The following MICALL1 variants were observed in gnomAD, a reference collection of about 807,000 sequenced individuals.
The protein encoded by MICALL1 is MICAL-like protein 1.
Under a neutral mutation model 83.7 loss-of-function variants are expected in MICALL1, and 61 were observed. The ratio of observed to expected loss-of-function variants is 0.73; its 90% confidence interval spans 0.59 to 0.90. The LOEUF is 0.90. Among genes scored for constraint, MICALL1 ranks in the 40% least tolerant of loss-of-function variants. The probability of loss-of-function intolerance (pLI) is 0.00; values close to 1 mark genes in which losing one functional copy is unlikely to be tolerated. For missense variants in MICALL1, 1,066 were observed against 1,152.0 expected, an observed-to-expected ratio of 0.93 and a Z score of 1.08; for synonymous variants, 481 against 473.6, an observed-to-expected ratio of 1.02 and a Z score of -0.20.
chr22:37,920,001 T>A (rs1928925873), intron 5 of MICALL1, among the ~76,000 whole-genome samples: 1 of 151,994 alleles, frequency 6.6e-6, no homozygotes, highest in Non-Finnish European at 1.5e-5. Flanking sequence ...AAAAAATCTT[T>A]TTTTCTTTTA....
chr22:37,931,162 G>A (rs1312487863), intron 9 of MICALL1, among the ~76,000 whole-genome samples: 2 of 152,236 alleles, frequency 1.3e-5, no homozygotes, highest in African/African-American at 2.4e-5. Flanking sequence ...GTGTGTGGCC[G>A]TGAGCAAATG....
chr22:37,938,457 C>CTT (rs757450191), intron 15 of MICALL1, among the ~76,000 whole-genome samples: 1 of 118,536 alleles, frequency 8.4e-6, no homozygotes, highest in Non-Finnish European at 1.8e-5. Flanking sequence ...TTTTTCTTTT[C>CTT]TTTTTTTTTT....
At chr22:37,922,599 A>ATTTTTTTTTTTTTT in intron 6 of MICALL1, among the ~76,000 whole-genome samples, 173 bp downstream of exon 6, 1 of 69,682 alleles carries the variant, frequency 1.4e-5, no homozygotes, top group Non-Finnish European at 2.8e-5. Context: ...ATATATATAT[A>ATTTTTTTTTTTTTT]TATTTTTTTT....
chr22:37,933,166 G>A lies in MICALL1; in HGVS notation c.2308+54G>A, dbSNP rs1245500791. The A allele has an allele frequency of 1.2e-5, 19 of 1,571,148 alleles. No individual in the cohort carries two copies. The Admixed American group carries it at 2.0e-4, about 17-fold the overall frequency. On this transcript the variant is annotated intron_variant, in intron 13 of 15. Coordinates refer to ENST00000215957, the MANE Select transcript of MICALL1 (RefSeq NM_033386.4). ...CACCTGCCCTGGGGCCTGGTGACAC[G>A]GAGGAGTGGGGGAGCGGGCAGACAA...
At chr22:37,934,437 T>G (rs938793016) in intron 13 of MICALL1, among the ~76,000 whole-genome samples, 2 of 151,832 alleles carry the variant, frequency 1.3e-5, no homozygotes, top group African/African-American at 2.4e-5. Flanking sequence ...GGATTCAAAC[T>G]TGGGTGGTGA....
intron 6 of MICALL1, among the ~76,000 whole-genome samples, chr22:37,922,890 G>A (rs9607501): frequency 0.35 from 49,114 of 141,336 alleles, 9,082 homozygotes; most frequent in Middle Eastern, 0.42. Flanking sequence ...TGCCTGCCTC[G>A]GCCTCCCAAA....
chr22:37,935,292 G>T (rs1179513672), intron 13 of MICALL1, among the ~76,000 whole-genome samples: 1 of 147,878 alleles, frequency 6.8e-6, no homozygotes, highest in Non-Finnish European at 1.5e-5. Flanking sequence ...TCAGAGTCTC[G>T]CTCTGTCGCC....
Position 37,906,592 on chromosome 22 carries a change from C to A in MICALL1, c.146+24C>A. 8.9e-7 allele frequency: 1 copy of A among 1,123,158 alleles called. No homozygotes were observed. Among genetic ancestry groups the A allele is most frequent in the Non-Finnish European group, 1.1e-6 (1 of 915,098 alleles). The allele number at this position is 1,123,158 out of a possible 1,614,324, so 69.6% of individuals were successfully genotyped here. The stretch of plus-strand genomic sequence containing the variant: ...CTGTGAGTGCGGGGCCCCGGGCGAG[C>A]GGGCGGCGCGGGGCGGGCTGGGGCC... On this transcript the variant is annotated intron_variant, in intron 1 of 15. Coordinates refer to ENST00000215957, the MANE Select transcript of MICALL1 (RefSeq NM_033386.4). The surrounding 1 kb of genome is among the most constrained non-coding windows in gnomAD (Gnocchi z 4.4).
At chr22:37,940,610 C>T in intron 15 of MICALL1, 99 bp from the exon 16 acceptor site, 1 of 1,459,606 alleles carries the variant, frequency 6.9e-7, no homozygotes, top group Non-Finnish European at 9.4e-7. Context: ...CTGGGCTGAG[C>T]CCTGCTGCCC....
chr22:37,916,442 A>G (rs1012728710), intron 3 of MICALL1, among the ~76,000 whole-genome samples: 2 of 152,210 alleles, frequency 1.3e-5, no homozygotes, highest in Non-Finnish European at 2.9e-5. Context: ...GGAAACAGTG[A>G]TGTGTTCCAA....
In MICALL1 at chr22:37,919,102, G is replaced by A. The variant is rs554579323; in HGVS notation, c.493G>A (p.Ala165Thr). The change falls in exon 5 of 16, where the codon GCA becomes ACA. Residue 165 changes from alanine (A) to threonine (T), a missense_variant. Coordinates refer to ENST00000215957, the MANE Select transcript of MICALL1 (RefSeq NM_033386.4). ...GTGQTPSSTCAACQQHVHLVQ... is the reference protein window; with the variant it reads ...GTGQTPSSTCTACQQHVHLVQ... ...CGGCCAGACCCCCAGCAGCACGTGC[G>A]CAGCCTGCCAGCAGCATGTGCACTT... 37 of 1,551,786 alleles carry A rather than the reference G, an allele frequency of 2.4e-5. 1 individual carries two copies. In the South Asian group the frequency reaches 3.1e-4, roughly 13 times the overall value.
At chr22:37,936,823 C>T (rs945967506) in intron 13 of MICALL1, among the ~76,000 whole-genome samples, 19 of 151,654 alleles carry the variant, frequency 1.3e-4, no homozygotes, top group African/African-American at 3.9e-4. Flanking sequence ...ACCCGGGAGG[C>T]GGAGCCTGCA....
chr22:37,906,755 C>T lies in MICALL1; in HGVS notation c.146+187C>T, dbSNP rs1241067020. On this transcript the variant is annotated intron_variant, in intron 1 of 15. Transcript: ENST00000215957. The surrounding 1 kb of genome is among the most constrained non-coding windows in gnomAD (Gnocchi z 4.4). ...ACCCCGGCCCAGGGCGCCCCTCCCC[C>T]GCCCGGCCGCCCTGACCCCGCCCGT... 6 of 298,900 alleles carry T rather than the reference C, an allele frequency of 2.0e-5. No homozygotes were observed. In the South Asian group the frequency reaches 7.2e-4, roughly 36 times the overall value. The allele number at this position is 298,900 out of a possible 1,614,324, so 18.5% of individuals were successfully genotyped here. A position where few individuals can be genotyped will look rare whatever the true frequency, so the allele number is the denominator to read the frequency against.
At chr22:37,934,896 CTATTTATTTATTTATTTTATTT>C in intron 13 of MICALL1, among the ~76,000 whole-genome samples, 1 of 147,754 alleles carries the variant, frequency 6.8e-6, no homozygotes, top group East Asian at 2.0e-4. Flanking sequence ...GCGCCTGGCT[CTATTTATTTATTTATTTTATTT>C]TATTTATTTA....
chr22:37,922,601 ATTT>A (rs1198282750), intron 6 of MICALL1, among the ~76,000 whole-genome samples, 175 bp downstream of exon 6: 80 of 31,858 alleles, frequency 2.5e-3, no homozygotes, highest in African/African-American at 4.5e-3. Flanking sequence ...ATATATATAT[ATTT>A]TTTTTTTTTT....
At chr22:37,939,008 G>A (rs1338570262) in intron 15 of MICALL1, among the ~76,000 whole-genome samples, 2 of 152,040 alleles carry the variant, frequency 1.3e-5, no homozygotes, top group Non-Finnish European at 2.9e-5. Flanking sequence ...TGCCCACCTC[G>A]GCCTCCCAAA....
At chr22:37,936,986 C>T in intron 13 of MICALL1, 94 bp from the exon 14 acceptor site, 2 of 994,744 alleles carry the variant, frequency 2.0e-6, no homozygotes, top group Non-Finnish European at 3.0e-6. Context: ...TAGCATGGGG[C>T]TGGCCTGCCG....
chr22:37,908,131 G>A (rs1832563866), intron 1 of MICALL1, among the ~76,000 whole-genome samples: 1 of 152,110 alleles, frequency 6.6e-6, no homozygotes, highest in Non-Finnish European at 1.5e-5. Context: ...CCATGTCTTA[G>A]GCGCATGGCC....
Position 37,930,559 on chromosome 22 carries a change from G to T in MICALL1, c.1882-1240G>T, listed in dbSNP as rs1601829276. On this transcript the variant is annotated intron_variant, in intron 9 of 15. Transcript: ENST00000215957. The surrounding 1 kb of genome is among the most constrained non-coding windows in gnomAD (Gnocchi z 4.8). ...TGGAGCATCCCAGGTCTCAGGTGAGGCCTCTGTAAGGGGCTCGCAGTGACG... is the reference window on the plus strand; with the variant it reads ...TGGAGCATCCCAGGTCTCAGGTGAGTCCTCTGTAAGGGGCTCGCAGTGACG... Among the ~76,000 whole-genome samples the T allele has an allele frequency of 6.6e-6, 1 of 152,250 alleles. No individual in the cohort carries two copies. The highest frequency in any genetic ancestry group is 1.9e-4 in the East Asian group (1 of 5,190).
Sources: allele counts gnomAD v4.1 joint callset (sites outside exome capture counted in the v4.1 genomes callset), GRCh38; gene constraint gnomAD v4.1.1; non-coding constraint Gnocchi (gnomAD v3.1); transcripts MANE v1.5; gene names NCBI Gene and HGNC (gene_info 2026-07-23, HGNC 2026-07-21).